ADGRL2: variants seen among roughly 807,000 people sequenced by gnomAD.
ADGRL2 encodes the protein calcium-independent alpha-latrotoxin receptor 2.
In ADGRL2, 44 loss-of-function variants were observed where a neutral mutation model predicts 157.4. That is an observed-to-expected ratio of 0.28 (90% CI 0.22 to 0.36). The LOEUF is 0.36. ADGRL2 is among the 10% of genes least tolerant of loss of function. The pLI is 1.00. For missense variants in ADGRL2, 1,510 were observed against 1,768.9 expected (o/e 0.85, Z 2.63); for synonymous variants, 585 against 624.7 (o/e 0.94, Z 0.95).
At chr1:81,325,837 A>G (rs748849595) in intron 1 of ADGRL2, among the ~76,000 whole-genome samples, 34 of 152,140 alleles carry the variant, frequency 2.2e-4, no homozygotes, top group Admixed American at 5.2e-4. Flanking sequence ...CTCAACCCCA[A>G]GGCTCACAGT....
intron 3 of ADGRL2, among the ~76,000 whole-genome samples, chr1:81,684,391 T>C (rs1227395225): frequency 6.6e-6 from 1 of 152,238 alleles, no homozygotes. Context: ...TTAGTGATGT[T>C]GAGCGTTTTT....
At chr1:81,633,782 G>A (rs1434176365) in intron 3 of ADGRL2, among the ~76,000 whole-genome samples, 1 of 151,888 alleles carries the variant, frequency 6.6e-6, no homozygotes, top group African/African-American at 2.4e-5. Context: ...CCTCCAAAAT[G>A]TTTCATCAAT....
chr1:81,635,137 C>T (rs1190731204), intron 3 of ADGRL2, among the ~76,000 whole-genome samples: 1 of 152,148 alleles, frequency 6.6e-6, no homozygotes, highest in East Asian at 1.9e-4. Context: ...TCAAAGGAGC[C>T]CCAGAGCCCC....
rs2077655566 is a variant in ADGRL2 at position 81,448,981 on chromosome 1, AAT to A, written c.-248+3894_-248+3895del. 2.0e-5 allele frequency among the ~76,000 whole-genome samples: 3 copies of A among 152,206 alleles called. No individual in the cohort carries two copies. In the South Asian group the frequency reaches 6.2e-4, roughly 31 times the overall value. On this transcript the variant is annotated intron_variant, in intron 2 of 24. Transcript: ENST00000370721. ...TAGAAGTAAAATTAACATATACAAAAATAGATATTAGTACCAGAAAAAGTATA... is the reference window on the plus strand; with the variant it reads ...TAGAAGTAAAATTAACATATACAAAAAGATATTAGTACCAGAAAAAGTATA...
At chr1:81,450,329 T>C (rs1203040125) in intron 2 of ADGRL2, among the ~76,000 whole-genome samples, 1 of 152,184 alleles carries the variant, frequency 6.6e-6, no homozygotes, top group Non-Finnish European at 1.5e-5. Flanking sequence ...CATAATACCA[T>C]TAGGTACTGA....
intron 1 of ADGRL2, among the ~76,000 whole-genome samples, chr1:81,342,183 C>T (rs1001729080): frequency 6.6e-6 from 1 of 152,116 alleles, no homozygotes; most frequent in Non-Finnish European, 1.5e-5. Context: ...ACCAAAATTT[C>T]CCACCTGAAT....
intron 1 of ADGRL2, among the ~76,000 whole-genome samples, chr1:81,354,017 T>C (rs552764754): frequency 6.6e-6 from 1 of 152,024 alleles, no homozygotes; most frequent in Non-Finnish European, 1.5e-5. Context: ...ACTGAAGGAC[T>C]GAAAAGGGAG....
intron 2 of ADGRL2, among the ~76,000 whole-genome samples, chr1:81,892,720 C>T (rs1041765326): frequency 9.9e-5 from 15 of 152,122 alleles, no homozygotes; most frequent in Non-Finnish European, 2.2e-4. Flanking sequence ...GAATATCCAA[C>T]ACATTTATTG....
chr1:81,488,459 A>G (rs1190860489), intron 2 of ADGRL2, among the ~76,000 whole-genome samples: 1 of 151,944 alleles, frequency 6.6e-6, no homozygotes, highest in Non-Finnish European at 1.5e-5. Flanking sequence ...TAGCACTTTG[A>G]GAGACCGAGG....
chr1:81,547,227 A>G (rs1399700520), intron 2 of ADGRL2, among the ~76,000 whole-genome samples: 1 of 152,214 alleles, frequency 6.6e-6, no homozygotes, highest in East Asian at 1.9e-4. Context: ...GGTTAAACTC[A>G]GATCTTTCTA....
intron 1 of ADGRL2, among the ~76,000 whole-genome samples, chr1:81,718,797 T>C (rs1342194756): frequency 6.6e-6 from 1 of 152,182 alleles, no homozygotes; most frequent in Non-Finnish European, 1.5e-5. Flanking sequence ...AGCTATAAAA[T>C]GAACAGAATA....
At chr1:81,543,052 A>ATATG (rs1351899682) in intron 2 of ADGRL2, among the ~76,000 whole-genome samples, 1 of 151,820 alleles carries the variant, frequency 6.6e-6, no homozygotes, top group African/African-American at 2.4e-5. Context: ...AGCCTTAATA[A>ATATG]TATGCTAACA....
intron 1 of ADGRL2, among the ~76,000 whole-genome samples, chr1:81,430,995 T>TA (rs1412330013): frequency 1.3e-5 from 2 of 152,184 alleles, no homozygotes; most frequent in African/African-American, 2.4e-5. Context: ...TACTTTAACA[T>TA]AAAAAAGGAG....
At chr1:81,980,087 C>G in intron 18 of ADGRL2, 127 bp downstream of exon 18, 1 of 594,792 alleles carries the variant, frequency 1.7e-6, no homozygotes, top group East Asian at 2.8e-5. Flanking sequence ...TTACTGCCCT[C>G]AAGTTGAATC....
chr1:81,502,246 A>G (rs2078869262), intron 2 of ADGRL2: 3 of 1,612,506 alleles, frequency 1.9e-6, no homozygotes, highest in Admixed American at 3.3e-5. Context: ...AAGCTAAAGA[A>G]GACCATACCA....
intron 1 of ADGRL2, among the ~76,000 whole-genome samples, chr1:81,719,222 T>C (rs1311926441): frequency 6.6e-6 from 1 of 152,224 alleles, no homozygotes; most frequent in Non-Finnish European, 1.5e-5. Context: ...ACAATAGATT[T>C]ATAGAACTAC....
chr1:81,768,097 G>C (rs1041743796), intron 2 of ADGRL2, among the ~76,000 whole-genome samples: 2 of 152,086 alleles, frequency 1.3e-5, no homozygotes, highest in African/African-American at 4.8e-5. Flanking sequence ...CCAGGCTGGA[G>C]TGCAGTGGTG....
intron 1 of ADGRL2, among the ~76,000 whole-genome samples, chr1:81,444,693 T>C (rs1240401777): frequency 6.6e-6 from 1 of 152,188 alleles, no homozygotes; most frequent in African/African-American, 2.4e-5. Flanking sequence ...ACTAACAAGA[T>C]AAGAGTGCAA....
At chr1:81,426,984 A>C in intron 1 of ADGRL2, 1 of 858,748 alleles carries the variant, frequency 1.2e-6, no homozygotes, top group Non-Finnish European at 2.0e-6. Context: ...GATGATCACG[A>C]TACAGTTGAT....
Sources: gnomAD v4.1 joint callset for allele counts (sites outside exome capture counted in the v4.1 genomes callset) on GRCh38, gnomAD v4.1.1 for gene constraint, MANE v1.5 for transcripts, NCBI Gene and HGNC (gene_info 2026-07-23, HGNC 2026-07-21) for gene names.